The following ZNG1E variants were observed in gnomAD, a reference collection of about 807,000 sequenced individuals.
The protein encoded by ZNG1E is zinc-regulated GTPase metalloprotein activator 1E.
the ZNG1E span, chr9:65,704,941 G>A: frequency 3.7e-5 from 5 of 135,374 alleles, 1 homozygote; most frequent in South Asian, 4.8e-4. Flanking sequence ...CAAAAAAACC[G>A]GAGATTTGGT....
the ZNG1E span, among the ~76,000 whole-genome samples, chr9:65,721,602 T>TA: frequency 4.0e-4 from 60 of 149,806 alleles, no homozygotes; most frequent in Admixed American, 7.3e-4. Context: ...CTGGAGTATT[T>TA]AAAAAAAACA....
chr9:65,684,498 C>CT, the ZNG1E span, among the ~76,000 whole-genome samples: 12 of 152,196 alleles, frequency 7.9e-5, no homozygotes, highest in African/African-American at 2.7e-4. Context: ...GATCACGCCA[C>CT]TGCACTCCAG....
chr9:65,655,081 T>G, the ZNG1E span, among the ~76,000 whole-genome samples: 3 of 151,226 alleles, frequency 2.0e-5, no homozygotes, highest in African/African-American at 7.3e-5. Context: ...AAATGATATA[T>G]AAGGTGGATA....
the ZNG1E span, among the ~76,000 whole-genome samples, chr9:65,713,882 C>T: frequency 6.6e-6 from 1 of 150,866 alleles, no homozygotes; most frequent in Non-Finnish European, 1.5e-5. Context: ...CTCTGTATTT[C>T]CTGAATCTGA....
At chr9:65,733,068 A>G in the ZNG1E span, 2 of 1,611,806 alleles carry the variant, frequency 1.2e-6, no homozygotes, top group Non-Finnish European at 1.7e-6. Flanking sequence ...TCTGGAGGAG[A>G]CTCCAGTGAG....
the ZNG1E span, among the ~76,000 whole-genome samples, chr9:65,673,789 A>C: frequency 6.6e-6 from 1 of 152,302 alleles, no homozygotes; most frequent in African/African-American, 2.4e-5. Flanking sequence ...TGGGCGACAG[A>C]GTGAGACCCT....
the ZNG1E span, among the ~76,000 whole-genome samples, chr9:65,671,598 G>A: frequency 1.3e-5 from 2 of 152,356 alleles, no homozygotes; most frequent in Non-Finnish European, 1.5e-5. Flanking sequence ...GGGATTACAG[G>A]CATGAGCCAC....
the ZNG1E span, chr9:65,681,853 C>T: frequency 2.6e-6 from 4 of 1,514,282 alleles, no homozygotes; most frequent in African/African-American, 2.8e-5. Flanking sequence ...TCTTTTCTAT[C>T]TGCTCTAATG....
chr9:65,668,459 C>G, the ZNG1E span, among the ~76,000 whole-genome samples: 1 of 150,320 alleles, frequency 6.7e-6, no homozygotes, highest in Non-Finnish European at 1.5e-5. Context: ...ATAATACATT[C>G]AGGTATAATA....
the ZNG1E span, chr9:65,719,394 C>T: frequency 7.5e-6 from 1 of 133,434 alleles, no homozygotes; most frequent in Non-Finnish European, 1.6e-5. Context: ...TTCCCCCTCC[C>T]GTCCTGTCCC....
the ZNG1E span, among the ~76,000 whole-genome samples, chr9:65,663,806 G>A: frequency 6.1e-5 from 9 of 147,874 alleles, no homozygotes; most frequent in African/African-American, 2.0e-4. Context: ...TATGCCTCTT[G>A]TAACCAGTAA....
chr9:65,699,067 T>A, the ZNG1E span, among the ~76,000 whole-genome samples: 2 of 148,696 alleles, frequency 1.3e-5, no homozygotes, highest in Non-Finnish European at 3.0e-5. Flanking sequence ...TTGCATTTTT[T>A]TATTTTATTT....
At chr9:65,675,091 A>G in the ZNG1E span, among the ~76,000 whole-genome samples, 2 of 151,246 alleles carry the variant, frequency 1.3e-5, no homozygotes, top group African/African-American at 4.8e-5. Context: ...AACTAAAAAG[A>G]AAACAGGGAA....
At chr9:65,680,671 G>A in the ZNG1E span, among the ~76,000 whole-genome samples, 1 of 148,820 alleles carries the variant, frequency 6.7e-6, no homozygotes, top group Non-Finnish European at 1.5e-5. Context: ...GTATATTTCT[G>A]TATTAGAGGA....
chr9:65,680,038 A>G, the ZNG1E span, among the ~76,000 whole-genome samples: 1 of 152,276 alleles, frequency 6.6e-6, no homozygotes, highest in African/African-American at 2.4e-5. Context: ...CATGTATTTT[A>G]TCTGTGAAAA....
chr9:65,667,957 T>C, the ZNG1E span, among the ~76,000 whole-genome samples: 10 of 141,000 alleles, frequency 7.1e-5, no homozygotes, highest in Non-Finnish European at 1.2e-4. Context: ...GACTGCACCA[T>C]TGTACTCCAG....
At chr9:65,681,251 C>A in the ZNG1E span, among the ~76,000 whole-genome samples, 1 of 152,010 alleles carries the variant, frequency 6.6e-6, no homozygotes, top group African/African-American at 2.4e-5. Context: ...ACATACTAGT[C>A]GATTTAGAAA....
chr9:65,657,780 A>G, the ZNG1E span, among the ~76,000 whole-genome samples: 9 of 152,368 alleles, frequency 5.9e-5, no homozygotes, highest in African/African-American at 1.4e-4. Flanking sequence ...CATTTACCTG[A>G]ATTTGGTTAT....
chr9:65,662,003 C>T, the ZNG1E span, among the ~76,000 whole-genome samples: 1 of 152,254 alleles, frequency 6.6e-6, no homozygotes. Context: ...AAAGTATCTC[C>T]CCATCAGGTA....
Sources: gnomAD v4.1 joint callset for allele counts (sites outside exome capture counted in the v4.1 genomes callset) on GRCh38, gnomAD v4.1.1 for gene constraint, MANE v1.5 for transcripts, NCBI Gene and HGNC (gene_info 2026-07-23, HGNC 2026-07-21) for gene names.